Variants in HOMER3 observed in about 807,000 individuals in gnomAD.
The protein encoded by HOMER3 is homer scaffold protein 3.
A neutral mutation model predicts 45.5 loss-of-function variants in HOMER3; 34 were observed. That is an observed-to-expected ratio of 0.75 (90% CI 0.57 to 1.00). The LOEUF is 1.00. Ranked by LOEUF, HOMER3 falls within the 50% of genes least tolerant of loss-of-function variation. HOMER3 has a pLI of 0.00. For missense variants in HOMER3, 480 were observed against 497.5 expected (o/e 0.96, Z 0.33); for synonymous variants, 223 against 208.8 (o/e 1.07, Z -0.58).
intron 9 of HOMER3, among the ~76,000 whole-genome samples, chr19:18,930,505 C>T (rs1382953493): frequency 6.6e-6 from 1 of 151,346 alleles, no homozygotes; most frequent in African/African-American, 2.4e-5. Flanking sequence ...GCACTCCAGC[C>T]TGGGCAACAG....
Position 18,929,755 on chromosome 19 carries a change from C to A in HOMER3, c.895-121G>T, listed in dbSNP as rs557071646. On this transcript the variant is annotated intron_variant, in intron 9 of 9. Transcript: ENST00000392351. Reference sequence around the variant, plus strand: ...CCCAGAGCCATCCTAGGGCGCCCAACACACCAGGAATAAAATGCACACCCC... The same window carrying A: ...CCCAGAGCCATCCTAGGGCGCCCAAAACACCAGGAATAAAATGCACACCCC... The A allele has an allele frequency of 7.1e-4, 516 of 722,824 alleles. 1 individual carries two copies. Among genetic ancestry groups the A allele is most frequent in the Admixed American group, 1.1e-3 (34 of 30,142 alleles). The allele number at this position is 722,824 out of a possible 1,614,324, so 44.8% of individuals were successfully genotyped here.
At chr19:18,932,196 G>A in intron 6 of HOMER3, 64 bp from the exon 7 acceptor site, 2 of 1,405,302 alleles carry the variant, frequency 1.4e-6, no homozygotes, top group Non-Finnish European at 1.9e-6. Context: ...GGGCGATGCT[G>A]GGCTAGGGGG....
At chr19:18,938,705 C>CCCCCCCCACAA in intron 3 of HOMER3, 23 bp downstream of exon 3, 1 of 1,532,704 alleles carries the variant, frequency 6.5e-7, no homozygotes, top group Non-Finnish European at 8.9e-7. Flanking sequence ...GGTGCCTCTG[C>CCCCCCCCACAA]CCCACCCAGA....
In HOMER3 at chr19:18,929,353, T is replaced by C. The variant is rs753719310; in HGVS notation, c.*90A>G. 4.9e-6 allele frequency: 7 copies of C among 1,440,388 alleles called. No homozygotes were observed. Among genetic ancestry groups the C allele is most frequent in the South Asian group, 1.1e-5 (1 of 87,200 alleles). 89.2% of individuals were successfully genotyped at this position (1,440,388 alleles called of 1,614,324 possible). On this transcript the variant is annotated 3_prime_UTR_variant, in exon 10 of 10. Transcript: ENST00000392351. Reference sequence around the variant, plus strand: ...CCAGGGCTAAGTTGGGACCCCCCAGTCCCTTTCCAGGACGAATGGGCCCAA... The same window carrying C: ...CCAGGGCTAAGTTGGGACCCCCCAGCCCCTTTCCAGGACGAATGGGCCCAA...
rs374923493 is a variant in HOMER3, at chr19:18,938,801, T to C, written c.98A>G (p.His33Arg). 1 of 1,600,316 alleles carries C rather than the reference T, an allele frequency of 6.2e-7. No homozygotes were observed. The highest frequency in any genetic ancestry group is 8.5e-7 in the Non-Finnish European group (1 of 1,173,740). ...TKRNWIPAGK[H>R]ALTVSYFYDA... Reference sequence around the variant, plus strand: ...GTAGAAATAGGAGACAGTGAGTGCGTGCTTGCCCGCTGGGATCCAGTTTCG... The same window carrying C: ...GTAGAAATAGGAGACAGTGAGTGCGCGCTTGCCCGCTGGGATCCAGTTTCG... Residue 33 changes from histidine to arginine, a missense_variant, in exon 3 of 10, where the codon CAC (histidine) becomes CGC (arginine). Physicochemically the swap from His to Arg is conservative, Grantham distance 29. Transcript: ENST00000392351.
intron 4 of HOMER3, among the ~76,000 whole-genome samples, chr19:18,937,227 C>T (rs1423136176): frequency 6.9e-6 from 1 of 145,504 alleles, no homozygotes; most frequent in Admixed American, 7.2e-5. Context: ...GGGAGGATCC[C>T]TTGTGCCCAG....
intron 9 of HOMER3, among the ~76,000 whole-genome samples, chr19:18,930,367 G>A (rs994581270): frequency 6.7e-6 from 1 of 148,866 alleles, no homozygotes; most frequent in African/African-American, 2.5e-5. Flanking sequence ...CTAACATGGT[G>A]AAACCCCGTC....
chr19:18,937,374 C>T (rs937358890), intron 4 of HOMER3, among the ~76,000 whole-genome samples: 2 of 150,190 alleles, frequency 1.3e-5, no homozygotes, highest in African/African-American at 2.4e-5. Flanking sequence ...AATTCTAAAC[C>T]TTCTAGAAGA....
chr19:18,934,390 T>C lies in HOMER3; in HGVS notation c.324A>G (p.Glu108=), dbSNP rs780912677. 1.9e-6 allele frequency: 3 copies of C among 1,591,000 alleles called. No homozygotes were observed. Among genetic ancestry groups the C allele is most frequent in the Non-Finnish European group, 2.6e-6 (3 of 1,169,176 alleles). ...HLTQFAEKFQ[E]VKEAARLARE... is the part of the protein sequence containing the mutation. ...TGGCCAGCCTGGCTGCTTCCTTCAC[T>C]TCCTGGAACTTCTCGGCAAACTAAG... The change falls in exon 5 of 10, where the codon GAA becomes GAG. Residue 108 remains glutamate (E), a synonymous_variant. Transcript: ENST00000392351.
chr19:18,929,542 C>G lies in HOMER3; in HGVS notation c.987G>C (p.Arg329=). 1 of 1,558,478 alleles carries G rather than the reference C, an allele frequency of 6.4e-7. No individual in the cohort carries two copies. Among genetic ancestry groups the G allele is most frequent in the Non-Finnish European group, 8.7e-7 (1 of 1,153,662 alleles). The change falls in exon 10 of 10, where the codon CGG becomes CGC. Residue 329 remains arginine, a synonymous_variant. Coordinates refer to ENST00000392351, the MANE Select transcript of HOMER3 (RefSeq NM_004838.4). ...EEARAERERA[R]AEVGRAAQLL... is the part of the protein sequence containing the mutation. ...GCTGCGCTGCCCGGCCCACCTCAGC[C>G]CGCGCCCGCTCCCGCTCTGCCCGTG...
intron 6 of HOMER3, 51 bp downstream of exon 6, chr19:18,932,873 T>TCCCCCCCCCCAAACCCCC: frequency 3.4e-6 from 3 of 877,172 alleles, no homozygotes; most frequent in Non-Finnish European, 3.2e-6. Flanking sequence ...CGCCTCCTCG[T>TCCCCCCCCCCAAACCCCC]CCCCCACCCC....
chr19:18,935,970 G>A lies in HOMER3; in HGVS notation c.304-1560C>T, dbSNP rs548011928. 2.7e-5 allele frequency among the ~76,000 whole-genome samples: 4 copies of A among 150,940 alleles called. No individual in the cohort carries two copies. The South Asian group carries it at 8.4e-4, about 32-fold the overall frequency. ...GGAGGTGGAGGTTGCAGTGAGCTGA[G>A]ATTGTGCCATTGCACTCCAGCCTGG... On this transcript the variant is annotated intron_variant, in intron 4 of 9. Coordinates refer to ENST00000392351, the MANE Select transcript of HOMER3 (RefSeq NM_004838.4).
In HOMER3 at chr19:18,938,821, G is replaced by A. The variant is rs1279894964; in HGVS notation, c.78C>T (p.Asn26=). ...VFQIDPATKR[N]WIPAGKHALT... is the part of the protein sequence containing the mutation. Reference sequence around the variant, plus strand: ...GTGCGTGCTTGCCCGCTGGGATCCAGTTTCGCTTGGTGGCTGGGTCAATTT... The same window carrying A: ...GTGCGTGCTTGCCCGCTGGGATCCAATTTCGCTTGGTGGCTGGGTCAATTT... The change falls in exon 3 of 10, where the codon AAC becomes AAT. Residue 26 remains asparagine, a synonymous_variant. Coordinates refer to ENST00000392351, the MANE Select transcript of HOMER3 (RefSeq NM_004838.4). 1.2e-6 allele frequency: 2 copies of A among 1,600,618 alleles called. No individual in the cohort carries two copies. The highest frequency in any genetic ancestry group is 1.7e-6 in the Non-Finnish European group (2 of 1,173,838).
chr19:18,938,823 T>C lies in HOMER3; in HGVS notation c.76A>G (p.Asn26Asp), dbSNP rs750581782. 20 of 1,601,024 alleles carry C rather than the reference T, an allele frequency of 1.2e-5. No homozygotes were observed. The highest frequency in any genetic ancestry group is 1.6e-5 in the Non-Finnish European group (19 of 1,174,078). ...GCGTGCTTGCCCGCTGGGATCCAGTTTCGCTTGGTGGCTGGGTCAATTTGG... is the reference window on the plus strand; with the variant it reads ...GCGTGCTTGCCCGCTGGGATCCAGTCTCGCTTGGTGGCTGGGTCAATTTGG... Reference protein sequence around the residue: ...VFQIDPATKRNWIPAGKHALT... With the variant: ...VFQIDPATKRDWIPAGKHALT... The change falls in exon 3 of 10, where the codon AAC (asparagine) becomes GAC (aspartate). Residue 26 changes from asparagine (N) to aspartate (D), a missense_variant. Coordinates refer to ENST00000392351, the MANE Select transcript of HOMER3 (RefSeq NM_004838.4).
At chr19:18,936,516 C>A (rs2057094801) in intron 4 of HOMER3, among the ~76,000 whole-genome samples, 1 of 151,132 alleles carries the variant, frequency 6.6e-6, no homozygotes, top group Admixed American at 6.6e-5. Flanking sequence ...TGTAAAAATA[C>A]AAAAATTAGC....
At chr19:18,939,409 G>A (rs1237077067) in intron 1 of HOMER3, 1 of 176,108 alleles carries the variant, frequency 5.7e-6, no homozygotes, top group Non-Finnish European at 1.2e-5. Flanking sequence ...TCAGGCCACT[G>A]CACTCCAGCC....
intron 9 of HOMER3, 114 bp from the exon 10 acceptor site, chr19:18,929,748 C>T (rs993671885): frequency 4.2e-5 from 33 of 793,720 alleles, no homozygotes; most frequent in Middle Eastern, 3.8e-4. Context: ...CATCCTAGGG[C>T]GCCCAACACA....
rs1277800909 is a variant in HOMER3, at chr19:18,938,432, T to C, written c.224A>G (p.Gln75Arg). Residue 75 changes from glutamine to arginine, a missense_variant, in exon 4 of 10, where the codon CAG becomes CGG. Physicochemically the swap from Gln to Arg is conservative, Grantham distance 43. Coordinates refer to ENST00000392351, the MANE Select transcript of HOMER3 (RefSeq NM_004838.4). Reference protein sequence around the residue: ...TPNMTFTKTSQKFGQWADSRA... With the variant: ...TPNMTFTKTSRKFGQWADSRA... ...ACTGTCGGCCCACTGCCCGAACTTC[T>C]GGGAAGTTTTGGTGAAGGTCATGTT... The C allele has an allele frequency of 6.2e-7, 1 of 1,614,186 alleles. No individual in the cohort carries two copies.
In HOMER3 at chr19:18,939,005, C is replaced by T; in HGVS notation, c.-23G>A. ...CATTGGTCAGGCTGGGATGGGCAGG[C>T]TCTAGGGGGCAGCCAGAGAGGTGGC... On this transcript the variant is annotated 5_prime_UTR_variant, in exon 2 of 10. Transcript: ENST00000392351. 2.6e-6 allele frequency: 4 copies of T among 1,559,702 alleles called. No individual in the cohort carries two copies. Among genetic ancestry groups the T allele is most frequent in the Non-Finnish European group, 3.5e-6 (4 of 1,153,458 alleles).
Sources: allele counts gnomAD v4.1 joint callset (sites outside exome capture counted in the v4.1 genomes callset), GRCh38; gene constraint gnomAD v4.1.1; transcripts MANE v1.5; gene names NCBI Gene and HGNC (gene_info 2026-07-23, HGNC 2026-07-21).